FMNL2: variants seen among roughly 807,000 people sequenced by gnomAD.
FMNL2 encodes formin-like protein 2.
FMNL2 carries 51 observed loss-of-function variants against 130.2 expected under a neutral mutation model. The observed-to-expected ratio is 0.39, with a 90% CI of 0.31 to 0.49. The LOEUF (loss-of-function observed/expected upper bound fraction) is 0.49, where lower values mean the gene tolerates loss of function less well. Among genes scored for constraint, FMNL2 ranks in the 20% least tolerant of loss-of-function variants. The pLI, the probability that FMNL2 is intolerant of heterozygous loss-of-function variation, is 0.85. For missense variants in FMNL2, 977 were observed against 1,316.2 expected (o/e 0.74, Z 3.99); for synonymous variants, 465 against 467.1 (o/e 1.00, Z 0.06).
intron 1 of FMNL2, among the ~76,000 whole-genome samples, chr2:152,363,568 T>C (rs1008362444): frequency 3.3e-5 from 5 of 151,898 alleles, no homozygotes; most frequent in Admixed American, 1.3e-4. Flanking sequence ...TTTTCTTTTT[T>C]TTTTCCCCCC....
intron 1 of FMNL2, among the ~76,000 whole-genome samples, chr2:152,385,717 C>T (rs1266140999): frequency 1.3e-5 from 2 of 152,316 alleles, no homozygotes; most frequent in East Asian, 3.9e-4. Flanking sequence ...GTGTGTACTG[C>T]TTTCTACTAT....
intron 1 of FMNL2, among the ~76,000 whole-genome samples, chr2:152,389,180 AC>A (rs1684958664): frequency 6.6e-6 from 1 of 152,102 alleles, no homozygotes; most frequent in Non-Finnish European, 1.5e-5. Context: ...GTAACAGAGT[AC>A]TATAAATTAG....
At chr2:152,553,261 T>G (rs974806576) in intron 4 of FMNL2, among the ~76,000 whole-genome samples, 2 of 152,228 alleles carry the variant, frequency 1.3e-5, no homozygotes, top group African/African-American at 4.8e-5. Context: ...AGCTGCCTTA[T>G]GATTAACTTA....
chr2:152,399,403 T>A (rs1685565453), intron 1 of FMNL2, among the ~76,000 whole-genome samples: 1 of 152,232 alleles, frequency 6.6e-6, no homozygotes, highest in South Asian at 2.1e-4. Flanking sequence ...TTTTAATAGA[T>A]GCTGGTCCCT....
At chr2:152,580,908 T>C in intron 8 of FMNL2, 48 bp from the exon 9 acceptor site, 1 of 1,541,558 alleles carries the variant, frequency 6.5e-7, no homozygotes, top group Non-Finnish European at 8.9e-7. Flanking sequence ...AGCTGACTCA[T>C]CATGCCATTT....
intron 1 of FMNL2, among the ~76,000 whole-genome samples, chr2:152,350,588 T>G (rs533100695): frequency 4.6e-5 from 7 of 152,350 alleles, no homozygotes; most frequent in Admixed American, 2.0e-4. Flanking sequence ...GCTTTCTTTG[T>G]CTGCTTGAAG....
chr2:152,605,205 C>T (rs1204873917), intron 9 of FMNL2, among the ~76,000 whole-genome samples: 4 of 152,102 alleles, frequency 2.6e-5, no homozygotes. Context: ...ATCCATAGTG[C>T]TTTTAAAATT....
chr2:152,395,986 C>T (rs917690185), intron 1 of FMNL2, among the ~76,000 whole-genome samples: 4 of 152,168 alleles, frequency 2.6e-5, no homozygotes, highest in Non-Finnish European at 4.4e-5. Flanking sequence ...TGCTGTCTTT[C>T]GACAGAGTCA....
chr2:152,388,506 AC>A (rs1684914815), intron 1 of FMNL2, among the ~76,000 whole-genome samples: 1 of 151,784 alleles, frequency 6.6e-6, no homozygotes, highest in Admixed American at 6.6e-5. Context: ...GAGCCTAACT[AC>A]CCCCGTGATT....
At position 152,617,211 on chromosome 2, in the gene FMNL2, A is replaced by G. The variant is rs1263215350; in HGVS notation, c.1314+19A>G. On this transcript the variant is annotated intron_variant, in intron 13 of 25. Coordinates refer to ENST00000288670, the MANE Select transcript of FMNL2 (RefSeq NM_052905.4). ...CGTTCGGGTAAGTGTAATGATGACA[A>G]CTGCCCAGATGGGCACGGTAGGGAA... 6.2e-7 allele frequency: 1 copy of G among 1,611,214 alleles called. No individual in the cohort carries two copies. Among genetic ancestry groups the G allele is most frequent in the Non-Finnish European group, 8.5e-7 (1 of 1,177,546 alleles).
intron 6 of FMNL2, among the ~76,000 whole-genome samples, chr2:152,564,889 C>G (rs1695743791): frequency 7.2e-6 from 1 of 137,970 alleles, no homozygotes; most frequent in South Asian, 2.4e-4. Context: ...CATTTTATGT[C>G]ATAACATACC....
At chr2:152,559,266 T>C (rs1274386797) in intron 5 of FMNL2, among the ~76,000 whole-genome samples, 1 of 152,198 alleles carries the variant, frequency 6.6e-6, no homozygotes, top group Non-Finnish European at 1.5e-5. Flanking sequence ...GTAGTGGCAC[T>C]GGAGGGAGAG....
intron 6 of FMNL2, among the ~76,000 whole-genome samples, chr2:152,564,777 T>TTTTTTTTTG (rs1491331245): frequency 2.1e-4 from 1 of 4,876 alleles, no homozygotes; most frequent in Middle Eastern, 0.038. Flanking sequence ...ACAAGGTTGG[T>TTTTTTTTTG]TTTTTTTTTT....
intron 1 of FMNL2, among the ~76,000 whole-genome samples, chr2:152,405,938 AGTT>A (rs2105979460): frequency 6.6e-6 from 1 of 152,334 alleles, no homozygotes; most frequent in South Asian, 2.1e-4. Flanking sequence ...ATATACATTG[AGTT>A]GTTATTCAGA....
chr2:152,358,723 A>G (rs1055195990), intron 1 of FMNL2, among the ~76,000 whole-genome samples: 1 of 152,190 alleles, frequency 6.6e-6, no homozygotes, highest in Non-Finnish European at 1.5e-5. Flanking sequence ...CCTGATGAAT[A>G]CAATAACTAC....
chr2:152,352,278 A>G (rs944855535), intron 1 of FMNL2, among the ~76,000 whole-genome samples: 3 of 152,160 alleles, frequency 2.0e-5, no homozygotes, highest in African/African-American at 4.8e-5. Context: ...TATTTCTTTA[A>G]TCGTTTCAGT....
chr2:152,403,967 C>T (rs979045058), intron 1 of FMNL2, among the ~76,000 whole-genome samples: 2 of 152,142 alleles, frequency 1.3e-5, no homozygotes, highest in African/African-American at 4.8e-5. Flanking sequence ...TCTTGGGAGG[C>T]TGAGGCAGGA....
intron 1 of FMNL2, among the ~76,000 whole-genome samples, chr2:152,423,432 A>T (rs751663588): frequency 6.6e-6 from 1 of 152,162 alleles, no homozygotes; most frequent in Non-Finnish European, 1.5e-5. Flanking sequence ...TATTCTAAGC[A>T]CTCTAAAGCA....
At chr2:152,402,944 G>A (rs1685788842) in intron 1 of FMNL2, among the ~76,000 whole-genome samples, 1 of 152,128 alleles carries the variant, frequency 6.6e-6, no homozygotes, top group South Asian at 2.1e-4. Context: ...TTGTCGTGGA[G>A]CCCCAGGCTA....
Sources: allele counts gnomAD v4.1 joint callset (sites outside exome capture counted in the v4.1 genomes callset), GRCh38; gene constraint gnomAD v4.1.1; transcripts MANE v1.5; gene names NCBI Gene and HGNC (gene_info 2026-07-23, HGNC 2026-07-21).